Variants in GPD2 observed in about 807,000 individuals in gnomAD.
GPD2 encodes glycerol-3-phosphate dehydrogenase 2.
Under a neutral mutation model 82.4 loss-of-function variants are expected in GPD2, and 54 were observed. The ratio of observed to expected loss-of-function variants is 0.66; its 90% CI spans 0.53 to 0.82. GPD2 has a LOEUF of 0.82. Ranked by LOEUF, GPD2 falls within the 40% of genes least tolerant of loss-of-function variation. GPD2 has a pLI of 0.00. For missense variants in GPD2, 748 were observed against 896.2 expected, an observed-to-expected ratio of 0.83 and a Z score of 2.11; for synonymous variants, 288 against 306.1, an observed-to-expected ratio of 0.94 and a Z score of 0.62.
Position 156,582,671 on chromosome 2 carries a change from G to C in GPD2, c.2059-122G>C, listed in dbSNP as rs1574026705. The C allele has an allele frequency of 6.7e-6, 7 of 1,037,650 alleles. No homozygotes were observed. In the South Asian group the frequency reaches 8.9e-5, roughly 13 times the overall value. The allele number at this position is 1,037,650 out of a possible 1,614,324, so 64.3% of individuals were successfully genotyped here. ...TCTTCTTATCTGAGCTGTAGTACTT[G>C]TTAAGGTTTTTGATGGAGCACTTAA... On this transcript the variant is annotated intron_variant, in intron 16 of 16. Transcript: ENST00000438166.
chr2:156,580,906 G>A (rs549090940), intron 16 of GPD2, among the ~76,000 whole-genome samples: 19 of 152,200 alleles, frequency 1.2e-4, no homozygotes, highest in African/African-American at 3.4e-4. Context: ...TGCATTTTTT[G>A]TGTAGTTTTT....
intron 2 of GPD2, among the ~76,000 whole-genome samples, chr2:156,477,293 G>T (rs747528683): frequency 6.6e-6 from 1 of 152,074 alleles, no homozygotes; most frequent in Non-Finnish European, 1.5e-5. Flanking sequence ...TTAGCTGGGC[G>T]TGATGGTGTA....
chr2:156,411,911 G>C, the GPD2 span, among the ~76,000 whole-genome samples: 2 of 151,508 alleles, frequency 1.3e-5, no homozygotes, highest in Non-Finnish European at 3.0e-5. Flanking sequence ...TGGGCTTTAG[G>C]AATATATGCC....
intron 6 of GPD2, among the ~76,000 whole-genome samples, chr2:156,533,615 GGT>G (rs1685947650): frequency 6.6e-6 from 1 of 152,194 alleles, no homozygotes; most frequent in South Asian, 2.1e-4. Context: ...TGAATTTCAT[GGT>G]GTGTGATTAT....
intron 1 of GPD2, among the ~76,000 whole-genome samples, chr2:156,461,610 C>T (rs1022532286): frequency 6.6e-6 from 1 of 152,154 alleles, no homozygotes; most frequent in Non-Finnish European, 1.5e-5. Context: ...AAACTCCTGA[C>T]CTCAAGCGAT....
chr2:156,497,620 T>C (rs768051723), intron 3 of GPD2, among the ~76,000 whole-genome samples: 1 of 152,152 alleles, frequency 6.6e-6, no homozygotes, highest in South Asian at 2.1e-4. Flanking sequence ...TCTACTCTTA[T>C]GGAAATGAAA....
intron 1 of GPD2, among the ~76,000 whole-genome samples, chr2:156,452,410 C>G (rs1682641166): frequency 6.6e-6 from 1 of 152,276 alleles, no homozygotes; most frequent in Non-Finnish European, 1.5e-5. Context: ...AAAAACCAGT[C>G]AGGCGCGGCG....
intron 9 of GPD2, among the ~76,000 whole-genome samples, chr2:156,565,096 A>G (rs972457391): frequency 6.6e-6 from 1 of 152,122 alleles, no homozygotes; most frequent in African/African-American, 2.4e-5. Flanking sequence ...CATTTGCCAC[A>G]GATTATTTGC....
intron 6 of GPD2, among the ~76,000 whole-genome samples, chr2:156,516,377 C>T (rs1471859434): frequency 6.6e-6 from 1 of 152,144 alleles, no homozygotes; most frequent in Non-Finnish European, 1.5e-5. Context: ...ATAACTCCCA[C>T]CAAGGGAGAA....
chr2:156,525,511 A>G (rs1685574376), intron 6 of GPD2, among the ~76,000 whole-genome samples: 1 of 152,262 alleles, frequency 6.6e-6, no homozygotes, highest in Non-Finnish European at 1.5e-5. Flanking sequence ...GCCTTTCAAT[A>G]GAAAAAATTA....
At chr2:156,469,981 A>G (rs548469441) in intron 1 of GPD2, among the ~76,000 whole-genome samples, 1 of 152,104 alleles carries the variant, frequency 6.6e-6, no homozygotes, top group African/African-American at 2.4e-5. Context: ...AGTGAAAGTG[A>G]AGGAATAAAA....
At chr2:156,523,183 A>G (rs992583328) in intron 6 of GPD2, among the ~76,000 whole-genome samples, 3 of 152,224 alleles carry the variant, frequency 2.0e-5, no homozygotes, top group African/African-American at 7.2e-5. Context: ...ATATGTATCC[A>G]CCACTGCCAT....
chr2:156,409,314 C>T, the GPD2 span, among the ~76,000 whole-genome samples: 1 of 152,154 alleles, frequency 6.6e-6, no homozygotes, highest in Admixed American at 6.5e-5. Flanking sequence ...TTGGCAGAGA[C>T]CAGTATATTT....
chr2:156,522,608 A>G (rs768319021), intron 6 of GPD2, among the ~76,000 whole-genome samples: 1 of 152,094 alleles, frequency 6.6e-6, no homozygotes, highest in Non-Finnish European at 1.5e-5. Flanking sequence ...CATATATGCC[A>G]TATATTTTGC....
chr2:156,501,921 C>G (rs1684597295), intron 3 of GPD2: 1 of 168,140 alleles, frequency 5.9e-6, no homozygotes, highest in Non-Finnish European at 1.5e-5. Flanking sequence ...TATTCTAAAA[C>G]TACTGTAATT....
At chr2:156,566,365 A>G (rs771282160) in intron 9 of GPD2, among the ~76,000 whole-genome samples, 5 of 152,058 alleles carry the variant, frequency 3.3e-5, no homozygotes, top group East Asian at 1.9e-4. Flanking sequence ...TAACCATTCA[A>G]TAGTAACTCT....
upstream of GPD2, among the ~76,000 whole-genome samples, chr2:156,434,577 G>A (rs774872172): frequency 2.6e-5 from 4 of 152,090 alleles, no homozygotes; most frequent in Non-Finnish European, 5.9e-5. Context: ...TTAAACAATC[G>A]CCTCTGAGCA....
chr2:156,448,248 C>T (rs1472916029), intron 1 of GPD2, among the ~76,000 whole-genome samples: 3 of 151,954 alleles, frequency 2.0e-5, no homozygotes, highest in Admixed American at 2.0e-4. Context: ...GCTGGGATTA[C>T]AAGCACCTGC....
At chr2:156,461,155 CTA>C (rs1175944080) in intron 1 of GPD2, among the ~76,000 whole-genome samples, 2 of 121,354 alleles carry the variant, frequency 1.6e-5, no homozygotes, top group Non-Finnish European at 3.3e-5. Flanking sequence ...TTATCTCTCT[CTA>C]TCTCTTTTTT....
Sources: gnomAD v4.1 joint callset for allele counts (sites outside exome capture counted in the v4.1 genomes callset) on GRCh38, gnomAD v4.1.1 for gene constraint, MANE v1.5 for transcripts, NCBI Gene and HGNC (gene_info 2026-07-23, HGNC 2026-07-21) for gene names.